BDKRB1: variants seen among roughly 807,000 people sequenced by gnomAD.
BDKRB1 encodes bradykinin receptor B1, also known as B1 bradykinin receptor.
For synonymous variants in BDKRB1, 192 were observed against 189.1 expected (o/e 1.02, Z -0.13); for missense variants, 414 against 441.4 (o/e 0.94, Z 0.56).
intron 2 of BDKRB1, among the ~76,000 whole-genome samples, chr14:96,262,982 C>T (rs947118515): frequency 3.9e-5 from 6 of 152,018 alleles, no homozygotes; most frequent in African/African-American, 9.7e-5. Context: ...GTCCCCACCC[C>T]GGCCACCACA....
chr14:96,260,025 ATTT>A (rs71103508), intron 1 of BDKRB1: 417 of 142,786 alleles, frequency 2.9e-3, no homozygotes, highest in African/African-American at 4.0e-3. Flanking sequence ...TTAGGGTGCA[ATTT>A]TTTTTTTTTT....
At chr14:96,262,451 G>T (rs1885774339) in intron 1 of BDKRB1, among the ~76,000 whole-genome samples, 1 of 152,130 alleles carries the variant, frequency 6.6e-6, no homozygotes, top group Non-Finnish European at 1.5e-5. Context: ...TTGAATGGCT[G>T]CCAGGAAGAT....
At position 96,264,640 on chromosome 14, in the gene BDKRB1, A is replaced by G; in HGVS notation, c.958A>G (p.Arg320Gly). 1 of 1,614,198 alleles carries G rather than the reference A, an allele frequency of 6.2e-7. No homozygotes were observed. The change falls in exon 3 of 3, where the codon AGG (arginine) becomes GGG (glycine). Residue 320 changes from arginine (R) to glycine (G), a missense_variant. Arg to Gly is a moderately radical substitution (Grantham distance 125). Transcript: ENST00000216629. ...VIYVFVGRLF[R>G]TKVWELYKQC... ...TTATGTCTTTGTGGGCCGGCTCTTC[A>G]GGACCAAGGTCTGGGAACTTTATAA...
Position 96,263,857 on chromosome 14 carries a change from C to T in BDKRB1, c.175C>T (p.Leu59=). The change falls in exon 3 of 3, where the codon CTG becomes TTG. Residue 59 remains leucine, a synonymous_variant. Transcript: ENST00000216629. ...FFGLLGNLFV[L]LVFLLPRRQL... is the part of the protein sequence containing the mutation. The stretch of plus-strand genomic sequence containing the variant: ...CGGCCTCCTAGGGAACCTTTTTGTC[C>T]TGTTGGTCTTCCTCCTGCCCCGGCG... 1 of 1,614,180 alleles carries T rather than the reference C, an allele frequency of 6.2e-7. No homozygotes were observed. Among genetic ancestry groups the T allele is most frequent in the Non-Finnish European group, 8.5e-7 (1 of 1,180,020 alleles).
intron 1 of BDKRB1, among the ~76,000 whole-genome samples, chr14:96,262,118 G>A (rs11624061): frequency 0.029 from 4,426 of 151,014 alleles, 109 homozygotes; most frequent in East Asian, 0.13. Context: ...AAGCGTGGGA[G>A]GCCAGTCAGC....
intron 1 of BDKRB1, among the ~76,000 whole-genome samples, chr14:96,259,126 T>C (rs994489442): frequency 5.9e-5 from 9 of 152,242 alleles, no homozygotes; most frequent in Non-Finnish European, 1.3e-4. Context: ...ATATTTATAA[T>C]TCACTAAAAG....
rs774234943 is a variant in BDKRB1, at chr14:96,264,315, C to T, written c.633C>T (p.Phe211=). The T allele has an allele frequency of 1.3e-5, 21 of 1,614,232 alleles. No homozygotes were observed. Among genetic ancestry groups the T allele is most frequent in the Non-Finnish European group, 1.4e-5 (16 of 1,180,040 alleles). Residue 211 remains phenylalanine (F), a synonymous_variant, in exon 3 of 3, where the codon TTC becomes TTT. Coordinates refer to ENST00000216629, the MANE Select transcript of BDKRB1 (RefSeq NM_000710.4). ...ARIVELNILG[F]LLPLAAIVFF... ...TTGTGGAGTTAAATATTCTGGGTTT[C>T]CTCCTACCACTGGCTGCGATCGTCT...
At position 96,264,467 on chromosome 14, in the gene BDKRB1, G is replaced by T. The variant is rs769502145; in HGVS notation, c.785G>T (p.Cys262Phe). Reference protein sequence around the residue: ...ILTLVVAFLVCWAPYHFFAFL... With the variant: ...ILTLVVAFLVFWAPYHFFAFL... The stretch of plus-strand genomic sequence containing the variant: ...ACGCTCGTGGTTGCCTTCCTGGTCT[G>T]CTGGGCCCCTTACCACTTCTTTGCC... Residue 262 changes from cysteine (C) to phenylalanine (F), a missense_variant, in exon 3 of 3, where the codon TGC becomes TTC. Cys to Phe is a radical substitution (Grantham distance 205). Coordinates refer to ENST00000216629, the MANE Select transcript of BDKRB1 (RefSeq NM_000710.4). The T allele has an allele frequency of 1.3e-5, 21 of 1,614,106 alleles. No homozygotes were observed. In the East Asian group the frequency reaches 4.5e-4, roughly 34 times the overall value.
rs1423121327 is a variant in BDKRB1, at chr14:96,262,668, C to T, written c.-113C>T. 2 of 438,944 alleles carry T rather than the reference C, an allele frequency of 4.6e-6. No homozygotes were observed. Among genetic ancestry groups the T allele is most frequent in the Non-Finnish European group, 8.9e-6 (2 of 223,932 alleles). The allele number at this position is 438,944 out of a possible 1,614,324, so 27.2% of individuals were successfully genotyped here. A position where few individuals can be genotyped will look rare whatever the true frequency, so the allele number is the denominator to read the frequency against. On this transcript the variant is annotated 5_prime_UTR_variant, in exon 2 of 3. Coordinates refer to ENST00000216629, the MANE Select transcript of BDKRB1 (RefSeq NM_000710.4). ...TTGAGACAGGGTCTCAGTCCGTCGG[C>T]CCAGACTGAAGTGCAGTGGCACAAT...
In BDKRB1 at chr14:96,263,769, T is replaced by C. The variant is rs775407674; in HGVS notation, c.87T>C (p.Ala29=). The C allele has an allele frequency of 7.4e-6, 12 of 1,614,086 alleles. No individual in the cohort carries two copies. The African/African-American group carries it at 1.3e-4, about 18-fold the overall frequency. ...FPQNATACDN[A]PEAWDLLHRV... ...AAAATGCTACGGCCTGTGACAATGC[T>C]CCAGAAGCCTGGGACCTGCTGCACA... Residue 29 remains alanine, a synonymous_variant, in exon 3 of 3, where the codon GCT becomes GCC. Transcript: ENST00000216629.
At chr14:96,262,606 C>CCTTTTTTTTTTTTTTTTTTTTTTTT in intron 1 of BDKRB1, 46 bp from the exon 2 acceptor site, 2 of 308,810 alleles carry the variant, frequency 6.5e-6, no homozygotes, top group South Asian at 2.1e-5. Flanking sequence ...TCTCTCTCTC[C>CCTTTTTTTTTTTTTTTTTTTTTTTT]TTTTTTTTTT....
chr14:96,259,168 A>G (rs940587868), intron 1 of BDKRB1, among the ~76,000 whole-genome samples: 2 of 152,214 alleles, frequency 1.3e-5, no homozygotes, highest in Non-Finnish European at 2.9e-5. Context: ...TGCTCTATTC[A>G]TTGAATAACT....
chr14:96,264,173 T>TG lies in BDKRB1; in HGVS notation c.497dup (p.Leu167ProfsTer30), dbSNP rs760605422. On this transcript the variant is annotated frameshift_variant, in exon 3 of 3. Transcript: ENST00000216629. LOFTEE classifies it low-confidence loss of function (END_TRUNC). ...GTCACCTGCGTGCTCATCTGGGTTG[T>TG]GGGGGGCCTCTTGAGCATCCCCACA... The TG allele has an allele frequency of 1.9e-6, 3 of 1,607,066 alleles. No homozygotes were observed. Among genetic ancestry groups the TG allele is most frequent in the Non-Finnish European group, 2.6e-6 (3 of 1,175,812 alleles).
Position 96,262,632 on chromosome 14 carries a change from TGTTG to T in BDKRB1, c.-129-19_-129-16del. The T allele has an allele frequency of 7.1e-6, 3 of 419,888 alleles. No individual in the cohort carries two copies. The highest frequency in any genetic ancestry group is 1.7e-5 in the South Asian group (1 of 58,066). The allele number at this position is 419,888 out of a possible 1,614,324, so 26.0% of individuals were successfully genotyped here. ...TTTTTTTTTTTTTTTTTTTTGTTGT[TGTTG>T]TTGTTGTTGAGACAGGGTCTCAGTC... On this transcript the variant is annotated splice_polypyrimidine_tract_variant and intron_variant, in intron 1 of 2. Transcript: ENST00000216629.
chr14:96,257,945 G>GAGGA (rs34706281), intron 1 of BDKRB1, among the ~76,000 whole-genome samples: 2 of 149,576 alleles, frequency 1.3e-5, no homozygotes, highest in Non-Finnish European at 3.0e-5. Flanking sequence ...GGGAGGGATG[G>GAGGA]AGGAAGGAAG....
chr14:96,263,278 G>C lies in BDKRB1; in HGVS notation c.-10-395G>C, dbSNP rs77184206. Among the ~76,000 whole-genome samples, 681 of 152,320 alleles carry C rather than the reference G, an allele frequency of 4.5e-3. 5 individuals carry two copies. The highest frequency in any genetic ancestry group is 8.1e-3 in the Non-Finnish European group (549 of 68,030). ...AAGGCACGGAGCTAAGCACCCTGTAGATCCTGACAACAGCCCTCCCGTGAT... is the reference window on the plus strand; with the variant it reads ...AAGGCACGGAGCTAAGCACCCTGTACATCCTGACAACAGCCCTCCCGTGAT... On this transcript the variant is annotated intron_variant, in intron 2 of 2. Coordinates refer to ENST00000216629, the MANE Select transcript of BDKRB1 (RefSeq NM_000710.4).
At chr14:96,258,951 C>G (rs1325216443) in intron 1 of BDKRB1, among the ~76,000 whole-genome samples, 1 of 151,542 alleles carries the variant, frequency 6.6e-6, no homozygotes, top group South Asian at 2.1e-4. Context: ...AATTTCATCT[C>G]ATTTCATACA....
intron 1 of BDKRB1, chr14:96,259,562 T>A (rs1885697928): frequency 6.6e-6 from 1 of 152,602 alleles, no homozygotes; most frequent in Admixed American, 6.5e-5. Flanking sequence ...ATATTATTGT[T>A]ACCATGACGC....
chr14:96,262,536 A>G (rs960538692), intron 1 of BDKRB1, 116 bp from the exon 2 acceptor site: 8 of 394,476 alleles, frequency 2.0e-5, no homozygotes, highest in Non-Finnish European at 3.4e-5. Context: ...CATCTAACAG[A>G]TGTTAGTTGT....
Sources: gnomAD v4.1 joint callset for allele counts (sites outside exome capture counted in the v4.1 genomes callset) on GRCh38, gnomAD v4.1.1 for gene constraint, MANE v1.5 for transcripts, NCBI Gene and HGNC (gene_info 2026-07-23, HGNC 2026-07-21) for gene names.